Variants in AMBRA1 observed in about 807,000 individuals in gnomAD.
The protein encoded by AMBRA1 is activating molecule in BECN1-regulated autophagy protein 1.
A neutral mutation model predicts 125.4 loss-of-function variants in AMBRA1; 47 were observed. That is an observed-to-expected ratio of 0.37 (90% CI 0.30 to 0.48). AMBRA1 has a LOEUF of 0.48. Ranked by LOEUF, AMBRA1 falls within the 20% of genes least tolerant of loss-of-function variation. The probability of loss-of-function intolerance (pLI) is 0.99; values close to 1 mark genes in which losing one functional copy is unlikely to be tolerated. For missense variants in AMBRA1, 1,331 were observed against 1,693.4 expected, an observed-to-expected ratio of 0.79 and a Z score of 3.76; for synonymous variants, 626 against 655.5, an observed-to-expected ratio of 0.95 and a Z score of 0.69.
chr11:46,520,284 G>A (rs967767278), intron 7 of AMBRA1, among the ~76,000 whole-genome samples: 8 of 152,070 alleles, frequency 5.3e-5, no homozygotes. Context: ...CCATCAGGAT[G>A]ATAGCCTCAT....
chr11:46,515,924 T>G (rs749326933), intron 7 of AMBRA1, among the ~76,000 whole-genome samples: 14 of 152,212 alleles, frequency 9.2e-5, no homozygotes, highest in Non-Finnish European at 1.9e-4. Flanking sequence ...TCCGCCCGCT[T>G]TGGCCTCCCA....
intron 11 of AMBRA1, among the ~76,000 whole-genome samples, chr11:46,492,519 GA>G (rs1278349610): frequency 6.6e-6 from 1 of 152,216 alleles, no homozygotes; most frequent in Non-Finnish European, 1.5e-5. Context: ...AATGTGGCTT[GA>G]TTTTTATACC....
intron 1 of AMBRA1, among the ~76,000 whole-genome samples, chr11:46,552,406 G>T (rs1228718019): frequency 2.8e-5 from 2 of 72,708 alleles, no homozygotes; most frequent in South Asian, 4.3e-4. Flanking sequence ...AAAAAAAAAA[G>T]GCCAGGCACG....
At chr11:46,550,296 G>A (rs187914850) in intron 1 of AMBRA1, among the ~76,000 whole-genome samples, 6 of 152,286 alleles carry the variant, frequency 3.9e-5, no homozygotes, top group East Asian at 3.9e-4. Context: ...GTGACAGTGC[G>A]TCACAGTTGA....
chr11:46,565,586 G>A (rs1020037289), intron 1 of AMBRA1, among the ~76,000 whole-genome samples: 43 of 151,868 alleles, frequency 2.8e-4, no homozygotes, highest in African/African-American at 8.9e-4. Context: ...ATGTACCTGC[G>A]GTCCCAGTTA....
intron 11 of AMBRA1, among the ~76,000 whole-genome samples, chr11:46,451,645 A>G (rs1295286020): frequency 6.6e-6 from 1 of 151,904 alleles, no homozygotes; most frequent in Non-Finnish European, 1.5e-5. Flanking sequence ...ATTAAATTAC[A>G]TTTCAGTCCT....
intron 7 of AMBRA1, among the ~76,000 whole-genome samples, chr11:46,517,486 T>TG (rs1194870195): frequency 1.8e-4 from 26 of 145,474 alleles, no homozygotes; most frequent in Non-Finnish European, 3.3e-4. Flanking sequence ...TTTTTTTTTT[T>TG]TTTTTTTTTT....
intron 11 of AMBRA1, chr11:46,451,857 G>C (rs1420569282): frequency 6.9e-6 from 1 of 144,064 alleles, no homozygotes; most frequent in African/African-American, 2.5e-5. Flanking sequence ...TGAGCTGGAG[G>C]AGAGCTGAGA....
intron 9 of AMBRA1, among the ~76,000 whole-genome samples, chr11:46,500,601 G>A (rs998732745): frequency 1.8e-4 from 27 of 152,142 alleles, no homozygotes; most frequent in African/African-American, 5.3e-4. Flanking sequence ...TCCAGAGTTC[G>A]GGGCTTTCTG....
chr11:46,554,438 A>T (rs992450739), intron 1 of AMBRA1, among the ~76,000 whole-genome samples: 16 of 152,146 alleles, frequency 1.1e-4, no homozygotes, highest in African/African-American at 3.9e-4. Context: ...ACCAAGAAAA[A>T]AATCAAAGGA....
chr11:46,504,795 A>T (rs1565227537), intron 9 of AMBRA1: 1 of 152,254 alleles, frequency 6.6e-6, no homozygotes, highest in African/African-American at 2.4e-5. Context: ...AAATGGTGGT[A>T]CATCATTTTC....
At chr11:46,448,391 A>G (rs1308810245) in intron 11 of AMBRA1, among the ~76,000 whole-genome samples, 1 of 152,228 alleles carries the variant, frequency 6.6e-6, no homozygotes, top group East Asian at 1.9e-4. Context: ...AGAGAGATTT[A>G]AAAATATTTT....
chr11:46,403,318 C>T (rs1945850558), intron 17 of AMBRA1, among the ~76,000 whole-genome samples: 1 of 152,242 alleles, frequency 6.6e-6, no homozygotes, highest in African/African-American at 2.4e-5. Flanking sequence ...TCCCTCTTCA[C>T]ATTTGCTTTT....
rs553040136 is a variant in AMBRA1, at chr11:46,400,473, GTTTTTTTTTTTTTTTTTTTTT to G, written c.3404-2551_3404-2531del. ...CCTCATGCTTCTAGTTCTTTCTATA[GTTTTTTTTTTTTTTTTTTTTT>G]TTTTTTTTTTTTTTTGAGACCAGGT... is the stretch of plus-strand genomic sequence containing the variant. On this transcript the variant is annotated intron_variant, in intron 17 of 17. Transcript: ENST00000683756. Among the ~76,000 whole-genome samples the G allele has an allele frequency of 1.6e-3, 77 of 48,892 alleles. 1 individual carries two copies. Among genetic ancestry groups the G allele is most frequent in the South Asian group, 8.8e-3 (11 of 1,250 alleles). The allele number at this position is 48,892 out of a possible 152,430, so 32.1% of individuals were successfully genotyped here.
intron 14 of AMBRA1, among the ~76,000 whole-genome samples, chr11:46,426,680 C>T (rs1277529847): frequency 6.6e-6 from 1 of 152,202 alleles, no homozygotes; most frequent in Non-Finnish European, 1.5e-5. Context: ...CCTTTTCCTA[C>T]AATGTTCTGA....
intron 11 of AMBRA1, among the ~76,000 whole-genome samples, chr11:46,444,807 A>G (rs1398123025): frequency 6.6e-6 from 1 of 152,224 alleles, no homozygotes; most frequent in African/African-American, 2.4e-5. Context: ...TGGTTCAAAG[A>G]GAAAACCTTC....
chr11:46,536,632 G>A (rs771184887), intron 7 of AMBRA1, among the ~76,000 whole-genome samples: 2 of 152,070 alleles, frequency 1.3e-5, no homozygotes, highest in African/African-American at 2.4e-5. Flanking sequence ...AATCAGCCCC[G>A]CAGACACCCA....
intron 11 of AMBRA1, among the ~76,000 whole-genome samples, chr11:46,462,401 T>C (rs1373918069): frequency 6.6e-6 from 1 of 152,180 alleles, no homozygotes; most frequent in Non-Finnish European, 1.5e-5. Context: ...TCCTCTTTAC[T>C]CTCCTCACGT....
At chr11:46,515,190 T>C (rs1396707456) in intron 7 of AMBRA1, among the ~76,000 whole-genome samples, 2 of 152,178 alleles carry the variant, frequency 1.3e-5, no homozygotes, top group African/African-American at 4.8e-5. Flanking sequence ...AACATCCTTC[T>C]TGGCTGGGCG....
Sources: gnomAD v4.1 joint callset for allele counts (sites outside exome capture counted in the v4.1 genomes callset) on GRCh38, gnomAD v4.1.1 for gene constraint, MANE v1.5 for transcripts, NCBI Gene and HGNC (gene_info 2026-07-23, HGNC 2026-07-21) for gene names.